Variants in NRXN1 observed in about 807,000 individuals in gnomAD.
NRXN1 encodes neurexin 1.
In NRXN1, 39 loss-of-function variants were observed where a neutral mutation model predicts 150.9. The observed-to-expected ratio is 0.26, with a 90% CI of 0.20 to 0.34. The LOEUF (loss-of-function observed/expected upper bound fraction) is 0.34, where lower values mean the gene tolerates loss of function less well. Among genes scored for constraint, NRXN1 ranks in the 10% least tolerant of loss-of-function variants. NRXN1 has a pLI of 1.00. For missense variants in NRXN1, 1,815 were observed against 1,949.9 expected, an observed-to-expected ratio of 0.93 and a Z score of 1.30; for synonymous variants, 924 against 757.0, an observed-to-expected ratio of 1.22 and a Z score of -3.62.
chr2:50,662,182 G>A (rs1283085273), intron 5 of NRXN1, among the ~76,000 whole-genome samples: 1 of 151,990 alleles, frequency 6.6e-6, no homozygotes, highest in Non-Finnish European at 1.5e-5. Context: ...GCAAGGAAAA[G>A]CTGCAGATTC....
At chr2:50,890,161 T>A (rs1680836944) in intron 5 of NRXN1, among the ~76,000 whole-genome samples, 1 of 151,800 alleles carries the variant, frequency 6.6e-6, no homozygotes, top group Non-Finnish European at 1.5e-5. Flanking sequence ...ATATCATGCA[T>A]CACCTACTTC....
chr2:50,795,161 C>T (rs1184413101), intron 5 of NRXN1, among the ~76,000 whole-genome samples: 2 of 152,054 alleles, frequency 1.3e-5, no homozygotes, highest in African/African-American at 4.8e-5. Context: ...ATCTATTTTA[C>T]ACTGAGCATC....
chr2:50,136,665 G>A (rs1706456495), intron 18 of NRXN1, among the ~76,000 whole-genome samples: 2 of 152,102 alleles, frequency 1.3e-5, no homozygotes, highest in Admixed American at 1.3e-4. Flanking sequence ...AAGAAAAAAA[G>A]GTCTCTGTCC....
intron 5 of NRXN1, among the ~76,000 whole-genome samples, chr2:50,679,169 G>A (rs954118996): frequency 6.6e-6 from 1 of 152,052 alleles, no homozygotes. Flanking sequence ...TTCCCAAGGA[G>A]AAGATTAGTA....
chr2:50,143,806 T>A (rs1418167756), intron 18 of NRXN1, among the ~76,000 whole-genome samples: 1 of 151,860 alleles, frequency 6.6e-6, no homozygotes, highest in Non-Finnish European at 1.5e-5. Flanking sequence ...GGGTGCACAA[T>A]GTTTGCCCAG....
intron 5 of NRXN1, among the ~76,000 whole-genome samples, chr2:50,834,716 T>C (rs370960939): frequency 2.8e-4 from 42 of 152,292 alleles, no homozygotes; most frequent in African/African-American, 9.6e-4. Context: ...AGTTCTAATC[T>C]TTACTATATT....
intron 5 of NRXN1, among the ~76,000 whole-genome samples, chr2:50,783,121 G>C (rs1307191091): frequency 4.6e-5 from 7 of 152,104 alleles, no homozygotes; most frequent in African/African-American, 1.7e-4. Flanking sequence ...CATGCATGTA[G>C]TAAACAATAC....
intron 18 of NRXN1, among the ~76,000 whole-genome samples, chr2:50,180,790 T>C (rs1391303290): frequency 6.6e-6 from 1 of 152,136 alleles, no homozygotes; most frequent in Non-Finnish European, 1.5e-5. Context: ...TATTCTGTTA[T>C]AGCAGCAAAA....
At chr2:50,893,527 C>T (rs1681415272) in intron 5 of NRXN1, among the ~76,000 whole-genome samples, 1 of 152,078 alleles carries the variant, frequency 6.6e-6, no homozygotes, top group African/African-American at 2.4e-5. Flanking sequence ...CCAAAAGATT[C>T]TTCTTAGAAG....
chr2:50,193,202 C>T lies in NRXN1; in HGVS notation c.3546+43587G>A, dbSNP rs573612491. On this transcript the variant is annotated intron_variant, in intron 18 of 22. Transcript: ENST00000401669. ...ATTTTTGATGATCCTTCCATATCCTCATCATCAATAAAAGCAGCAGTCACA... is the reference window on the plus strand; with the variant it reads ...ATTTTTGATGATCCTTCCATATCCTTATCATCAATAAAAGCAGCAGTCACA... 1.6e-4 allele frequency among the ~76,000 whole-genome samples: 24 copies of T among 152,158 alleles called. No homozygotes were observed. In the South Asian group the frequency reaches 4.8e-3, roughly 30 times the overall value.
intron 5 of NRXN1, among the ~76,000 whole-genome samples, chr2:50,671,654 C>CT (rs1440051615): frequency 2.6e-5 from 4 of 151,592 alleles, no homozygotes; most frequent in Non-Finnish European, 4.4e-5. Context: ...TGAGGAAAAG[C>CT]TTTTTTGTAT....
chr2:50,609,209 G>A (rs1404485769), intron 8 of NRXN1, among the ~76,000 whole-genome samples: 1 of 152,116 alleles, frequency 6.6e-6, no homozygotes, highest in African/African-American at 2.4e-5. Context: ...GAGACAATGT[G>A]TGCAAAATCT....
At chr2:50,203,740 T>C (rs767694355) in intron 18 of NRXN1, among the ~76,000 whole-genome samples, 46 of 152,206 alleles carry the variant, frequency 3.0e-4, no homozygotes, top group Non-Finnish European at 4.4e-4. Context: ...TTATATTACA[T>C]GCATTATATT....
intron 8 of NRXN1, among the ~76,000 whole-genome samples, chr2:50,604,426 C>T (rs149642776): frequency 5.7e-4 from 87 of 152,302 alleles, no homozygotes; most frequent in Non-Finnish European, 9.6e-4. Flanking sequence ...CAGTCACATC[C>T]TGTCATTACT....
At chr2:50,770,488 G>T (rs1451133056) in intron 5 of NRXN1, among the ~76,000 whole-genome samples, 1 of 151,838 alleles carries the variant, frequency 6.6e-6, no homozygotes, top group Non-Finnish European at 1.5e-5. Context: ...CGTCTCACAG[G>T]GAGCTCAAAT....
At chr2:50,047,298 T>C (rs1009653164) in intron 21 of NRXN1, among the ~76,000 whole-genome samples, 2 of 152,042 alleles carry the variant, frequency 1.3e-5, no homozygotes, top group Non-Finnish European at 2.9e-5. Flanking sequence ...GTTGTACTTT[T>C]TGAGTTTCCA....
At chr2:50,310,223 A>T (rs895659966) in intron 17 of NRXN1, among the ~76,000 whole-genome samples, 2 of 152,146 alleles carry the variant, frequency 1.3e-5, no homozygotes, top group Non-Finnish European at 2.9e-5. Context: ...GTTATTGCTC[A>T]CTTCTTTCAT....
chr2:50,958,338 G>T (rs1413194383), intron 2 of NRXN1, among the ~76,000 whole-genome samples: 1 of 152,030 alleles, frequency 6.6e-6, no homozygotes, highest in African/African-American at 2.4e-5. Context: ...AACGACACTG[G>T]CTTTTGTAAA....
At chr2:50,484,884 A>C (rs1414094664) in intron 15 of NRXN1, among the ~76,000 whole-genome samples, 1 of 152,218 alleles carries the variant, frequency 6.6e-6, no homozygotes, top group Non-Finnish European at 1.5e-5. Context: ...ATGGAATAGA[A>C]AGTGTTTTAT....
Sources: allele counts gnomAD v4.1 joint callset (sites outside exome capture counted in the v4.1 genomes callset), GRCh38; gene constraint gnomAD v4.1.1; transcripts MANE v1.5; gene names NCBI Gene and HGNC (gene_info 2026-07-23, HGNC 2026-07-21).